UGT8: variants seen among roughly 807,000 people sequenced by gnomAD.
UGT8 encodes UDP glycosyltransferase 8, also known as 2-hydroxyacylsphingosine 1-beta-galactosyltransferase.
Under a neutral mutation model 40.5 loss-of-function variants are expected in UGT8, and 12 were observed. That is an observed-to-expected ratio of 0.30 (90% CI 0.19 to 0.48). UGT8 has a LOEUF of 0.48. UGT8 is among the 20% of genes least tolerant of loss of function. UGT8 has a pLI of 0.99. For synonymous variants in UGT8, 224 were observed against 240.4 expected (o/e 0.93, Z 0.63); for missense variants, 513 against 648.7 (o/e 0.79, Z 2.27).
In UGT8 at chr4:114,663,835, G is replaced by T; in HGVS notation, c.823-160G>T. 3 of 985,092 alleles carry T rather than the reference G, an allele frequency of 3.0e-6. No homozygotes were observed. The South Asian group carries it at 1.4e-4, about 46-fold the overall frequency. 61.0% of individuals were successfully genotyped at this position (985,092 alleles called of 1,614,324 possible). A position where few individuals can be genotyped will look rare whatever the true frequency, so the allele number is the denominator to read the frequency against. ...AGTTAGCATTATCAGATGAAATGTT[G>T]TAAACAAAAGCAGTTATTTAGAAGA... is the stretch of plus-strand genomic sequence containing the variant. On this transcript the variant is annotated intron_variant, in intron 2 of 5. Transcript: ENST00000310836.
intron 1 of UGT8, among the ~76,000 whole-genome samples, chr4:114,610,519 A>G (rs189717689): frequency 6.6e-6 from 1 of 152,336 alleles, no homozygotes; most frequent in East Asian, 1.9e-4. Flanking sequence ...ACAAAATTAT[A>G]CATTCTTACC....
intron 2 of UGT8, among the ~76,000 whole-genome samples, chr4:114,636,884 C>T (rs1450353717): frequency 1.3e-5 from 2 of 152,082 alleles, no homozygotes; most frequent in African/African-American, 2.4e-5. Context: ...AAATTTAAAC[C>T]GCTTTGTTTC....
At chr4:114,663,594 G>T in intron 2 of UGT8, 1 of 636,668 alleles carries the variant, frequency 1.6e-6, no homozygotes, top group Non-Finnish European at 2.0e-6. Flanking sequence ...ATTTGTAAAT[G>T]ATACATTAAC....
At chr4:114,618,252 T>A (rs1731562322) in intron 1 of UGT8, among the ~76,000 whole-genome samples, 1 of 152,244 alleles carries the variant, frequency 6.6e-6, no homozygotes, top group Non-Finnish European at 1.5e-5. Context: ...TGGACATTTT[T>A]CTACATAAGT....
intron 4 of UGT8, 127 bp from the exon 5 acceptor site, chr4:114,667,958 A>G (rs1734992076): frequency 6.9e-7 from 1 of 1,440,308 alleles, no homozygotes; most frequent in Non-Finnish European, 9.1e-7. Flanking sequence ...CAGTGAAATT[A>G]CACCTTTAGG....
Position 114,634,623 on chromosome 4 carries a change from A to G in UGT8, c.822+10921A>G, listed in dbSNP as rs144911235. Among the ~76,000 whole-genome samples, 3 of 152,342 alleles carry G rather than the reference A, an allele frequency of 2.0e-5. No homozygotes were observed. In the East Asian group the frequency reaches 5.8e-4, roughly 29 times the overall value. On this transcript the variant is annotated intron_variant, in intron 2 of 5. Coordinates refer to ENST00000310836, the MANE Select transcript of UGT8 (RefSeq NM_001128174.3). ...TCACTGGACAATTTTAGTTGTTGCTAAGTAGATATATAGTAATAAATGACT... is the reference window on the plus strand; with the variant it reads ...TCACTGGACAATTTTAGTTGTTGCTGAGTAGATATATAGTAATAAATGACT...
Position 114,598,929 on chromosome 4 carries a change from G to T in UGT8, c.-48G>T, listed in dbSNP as rs1730259695. ...TCCCTTCTGTCCCGGATACAATTAC[G>T]CGGCAGACACACACTCAAACTCGCG... On this transcript the variant is annotated 5_prime_UTR_variant, in exon 1 of 6. Coordinates refer to ENST00000310836, the MANE Select transcript of UGT8 (RefSeq NM_001128174.3). The T allele has an allele frequency of 6.6e-6, 1 of 152,058 alleles. No homozygotes were observed. The highest frequency in any genetic ancestry group is 1.5e-5 in the Non-Finnish European group (1 of 68,080). The allele number at this position is 152,058 out of a possible 1,614,324, so 9.4% of individuals were successfully genotyped here.
chr4:114,658,226 T>C (rs1734304505), intron 2 of UGT8, among the ~76,000 whole-genome samples: 1 of 152,112 alleles, frequency 6.6e-6, no homozygotes, highest in Non-Finnish European at 1.5e-5. Context: ...AAATATTAAA[T>C]GGGAAAAGAG....
intron 3 of UGT8, among the ~76,000 whole-genome samples, 193 bp downstream of exon 3, chr4:114,664,330 C>G (rs975735862): frequency 6.6e-6 from 1 of 152,104 alleles, no homozygotes; most frequent in Non-Finnish European, 1.5e-5. Flanking sequence ...TTAAAGAAAC[C>G]TCTGACCTAT....
Position 114,665,695 on chromosome 4 carries a change from A to G in UGT8, c.981A>G (p.Lys327=). ...TACATTTTAGGTTTTCTGGACCCAA[A>G]CCAAAGAATCTAGGAAACAACACTA... is the stretch of plus-strand genomic sequence containing the variant. ...QKVIWRFSGP[K]PKNLGNNTKL... Residue 327 remains lysine, a synonymous_variant, in exon 4 of 6, where the codon AAA becomes AAG. Coordinates refer to ENST00000310836, the MANE Select transcript of UGT8 (RefSeq NM_001128174.3). The G allele has an allele frequency of 6.2e-7, 1 of 1,606,776 alleles. No individual in the cohort carries two copies. Among genetic ancestry groups the G allele is most frequent in the South Asian group, 1.1e-5 (1 of 89,634 alleles).
chr4:114,612,784 C>G (rs2126089918), intron 1 of UGT8, among the ~76,000 whole-genome samples: 1 of 152,240 alleles, frequency 6.6e-6, no homozygotes, highest in East Asian at 1.9e-4. Context: ...TGATGGGGCC[C>G]TACCCTACGT....
intron 2 of UGT8, among the ~76,000 whole-genome samples, chr4:114,624,788 A>G (rs1439439429): frequency 6.6e-6 from 1 of 152,086 alleles, no homozygotes; most frequent in African/African-American, 2.4e-5. Context: ...TAATATATCG[A>G]TATATTTCAT....
chr4:114,664,024 T>G lies in UGT8; in HGVS notation c.852T>G (p.Asn284Lys), dbSNP rs1271769193. 5 of 1,613,990 alleles carry G rather than the reference T, an allele frequency of 3.1e-6. No homozygotes were observed. In the East Asian group the frequency reaches 1.1e-4, roughly 36 times the overall value. ...EDLQRWVNGA[N>K]EHGFVLVSFG... Reference sequence around the variant, plus strand: ...TCCAAAGATGGGTAAATGGTGCTAATGAACATGGCTTTGTCTTGGTGTCTT... The same window carrying G: ...TCCAAAGATGGGTAAATGGTGCTAAGGAACATGGCTTTGTCTTGGTGTCTT... Residue 284 changes from asparagine (N) to lysine (K), a missense_variant, in exon 3 of 6, where the codon AAT (asparagine) becomes AAG (lysine). By Grantham distance (94) the Asn-to-Lys change is moderately conservative (BLOSUM62 0). This residue lies in a region of UGT8 where 335 missense variants were observed against 444.8 expected (regional missense o/e 0.75). Transcript: ENST00000310836.
chr4:114,665,766 T>C lies in UGT8; in HGVS notation c.1042+10T>C, dbSNP rs752470595. The stretch of plus-strand genomic sequence containing the variant: ...CAAAATGACCTGCTTGGTAAGTCAA[T>C]GATGTGTGGTTACTTACTTGGCTGT... On this transcript the variant is annotated intron_variant, in intron 4 of 5. Transcript: ENST00000310836. The C allele has an allele frequency of 6.3e-7, 1 of 1,596,668 alleles. No homozygotes were observed. Among genetic ancestry groups the C allele is most frequent in the South Asian group, 1.1e-5 (1 of 87,702 alleles).
intron 1 of UGT8, among the ~76,000 whole-genome samples, chr4:114,604,945 G>A (rs1232521611): frequency 1.3e-5 from 2 of 151,552 alleles, no homozygotes; most frequent in South Asian, 2.1e-4. Context: ...AGTCCTTCAC[G>A]ATTTATGGCC....
chr4:114,667,081 C>A lies in UGT8; in HGVS notation c.1043-1004C>A, dbSNP rs151088891. On this transcript the variant is annotated intron_variant, in intron 4 of 5. Transcript: ENST00000310836. ...TAAAAATAAAGTTTGAAATCCACTT[C>A]TAGGGCAGATCCTTTAGTTGGACCT... Among the ~76,000 whole-genome samples, 858 of 152,188 alleles carry A rather than the reference C, an allele frequency of 5.6e-3. 6 individuals carry two copies. Among genetic ancestry groups the A allele is most frequent in the Middle Eastern group, 0.017 (5 of 294 alleles).
At chr4:114,658,013 T>A (rs1286717035) in intron 2 of UGT8, among the ~76,000 whole-genome samples, 7 of 152,206 alleles carry the variant, frequency 4.6e-5, no homozygotes, top group African/African-American at 1.7e-4. Context: ...TGGTGACCTT[T>A]ATATTTTCAG....
chr4:114,667,826 G>T, intron 4 of UGT8: 2 of 774,908 alleles, frequency 2.6e-6, no homozygotes, highest in Non-Finnish European at 3.1e-6. Flanking sequence ...TGTTAGTCAT[G>T]CAATATTTGT....
chr4:114,669,437 CAT>C (rs1735098119), intron 5 of UGT8, among the ~76,000 whole-genome samples: 1 of 151,242 alleles, frequency 6.6e-6, no homozygotes. Context: ...ATGCATGTAT[CAT>C]ATATGTGTGT....
Sources: gnomAD v4.1 joint callset for allele counts (sites outside exome capture counted in the v4.1 genomes callset) on GRCh38, gnomAD v4.1.1 for gene constraint, gnomAD v4.1.1 regional missense constraint, MANE v1.5 for transcripts, NCBI Gene and HGNC (gene_info 2026-07-23, HGNC 2026-07-21) for gene names.